Variants in FCSK observed in about 807,000 individuals in gnomAD.
FCSK encodes the protein fucose kinase, also known as L-fucose kinase.
In FCSK, 123 loss-of-function variants were observed where a neutral mutation model predicts 122.5. The ratio of observed to expected loss-of-function variants is 1.00; its 90% confidence interval spans 0.87 to 1.17. The LOEUF (loss-of-function observed/expected upper bound fraction) is 1.17. Among genes scored for constraint, FCSK ranks in the 50% most tolerant of loss-of-function variants. The pLI is 0.00. For missense variants in FCSK, 1,366 were observed against 1,450.4 expected (o/e 0.94, Z 0.95); for synonymous variants, 620 against 625.5 (o/e 0.99, Z 0.13).
intron 5 of FCSK, 28 bp from the exon 6 acceptor site, chr16:70,466,854 G>T: frequency 6.2e-7 from 1 of 1,606,282 alleles, no homozygotes. Context: ...CCAGGCACCA[G>T]CTGTGTTCTG....
intron 1 of FCSK, among the ~76,000 whole-genome samples, 151 bp from the exon 2 acceptor site, chr16:70,463,018 G>C (rs554381966): frequency 2.6e-5 from 4 of 152,256 alleles, no homozygotes; most frequent in African/African-American, 4.8e-5. Context: ...GCGGGGAGGA[G>C]AGGTTGCATG....
rs1312166815 is a variant in FCSK, at chr16:70,478,470, G to A, written c.2829+11G>A. The A allele has an allele frequency of 6.2e-7, 1 of 1,613,790 alleles. No individual in the cohort carries two copies. The highest frequency in any genetic ancestry group is 1.1e-5 in the South Asian group (1 of 91,082). On this transcript the variant is annotated intron_variant, in intron 21 of 23. Coordinates refer to ENST00000288078, the MANE Select transcript of FCSK (RefSeq NM_145059.3). The stretch of plus-strand genomic sequence containing the variant: ...CGGAACCTGCTGCAGGTGAGCTCTG[G>A]CCCCAGCATGAGGGAGGCAGGCAGG...
intron 13 of FCSK, among the ~76,000 whole-genome samples, chr16:70,471,832 GACTC>G (rs2048632653): frequency 7.3e-6 from 1 of 136,534 alleles, no homozygotes; most frequent in African/African-American, 3.1e-5. Context: ...TTTTTTTTGA[GACTC>G]ACTCTGTCTC....
At position 70,479,421 on chromosome 16, in the gene FCSK, G is replaced by A. The variant is rs775288732; in HGVS notation, c.3153+18G>A. The A allele has an allele frequency of 1.9e-6, 3 of 1,604,282 alleles. No homozygotes were observed. Among genetic ancestry groups the A allele is most frequent in the South Asian group, 1.1e-5 (1 of 90,378 alleles). ...AGACCGAGGTACTGATGGGGCTGGGGTTGGTAAAGAGACCTCTGGGGGCAA... is the reference window on the plus strand; with the variant it reads ...AGACCGAGGTACTGATGGGGCTGGGATTGGTAAAGAGACCTCTGGGGGCAA... On this transcript the variant is annotated intron_variant, in intron 23 of 23. Coordinates refer to ENST00000288078, the MANE Select transcript of FCSK (RefSeq NM_145059.3).
chr16:70,470,291 G>T, intron 10 of FCSK, 23 bp from the exon 11 acceptor site: 1 of 1,556,754 alleles, frequency 6.4e-7, no homozygotes, highest in Non-Finnish European at 8.8e-7. Context: ...ATGGGGTTGG[G>T]TTCAGTACTT....
rs754711319 is a variant in FCSK at position 70,479,287 on chromosome 16, GC to G, written c.3043del (p.His1015ThrfsTer19). On this transcript the variant is annotated frameshift_variant, in exon 23 of 24. Transcript: ENST00000288078. LOFTEE classifies it high-confidence loss of function. ...TGTGCGGCGTATGATGGATGTCCTG[GC>G]CCCCCACGTGCATGGCCAGAGCCTG... ...LTVRRMMDVL[A>X]PHVHGQSLAG... 6 of 1,613,976 alleles carry G rather than the reference GC, an allele frequency of 3.7e-6. No individual in the cohort carries two copies. In the East Asian group the frequency reaches 1.1e-4, roughly 30 times the overall value.
intron 3 of FCSK, 22 bp downstream of exon 3, chr16:70,463,796 C>T (rs766462388): frequency 1.1e-4 from 180 of 1,588,726 alleles, no homozygotes; most frequent in East Asian, 2.5e-4. Context: ...CCAGGGCCAC[C>T]TCCCTGGTCT....
At position 70,465,174 on chromosome 16, in the gene FCSK, A is replaced by G. The variant is rs745326523; in HGVS notation, c.283A>G (p.Met95Val). The part of the protein sequence containing the change: ...LHSAWILILH[M>V]GRDFPFDDCG... ...CTCGGCCTGGATCCTCATTCTGCAC[A>G]TGGTAAATGAACTTTGGGGCAGGGG... Residue 95 changes from methionine (M) to valine (V), a missense_variant and splice_region_variant, in exon 4 of 24, where the codon ATG becomes GTG. Physicochemically the swap from Met to Val is conservative, Grantham distance 21. Transcript: ENST00000288078. 3.1e-6 allele frequency: 5 copies of G among 1,610,900 alleles called. No individual in the cohort carries two copies. The highest frequency in any genetic ancestry group is 1.1e-5 in the South Asian group (1 of 90,818).
chr16:70,467,009 C>A, intron 6 of FCSK, 55 bp downstream of exon 6: 1 of 1,516,592 alleles, frequency 6.6e-7, no homozygotes, highest in Non-Finnish European at 9.1e-7. Flanking sequence ...CAGCAAGAAG[C>A]CAGCTCTGCC....
chr16:70,475,982 T>C, intron 20 of FCSK: 1 of 477,458 alleles, frequency 2.1e-6, no homozygotes, highest in Non-Finnish European at 3.6e-6. Flanking sequence ...AAGCATCTAC[T>C]GAGTGCCAGA....
chr16:70,467,865 T>A (rs755823523), intron 7 of FCSK, 21 bp from the exon 8 acceptor site: 1 of 1,608,106 alleles, frequency 6.2e-7, no homozygotes, highest in Non-Finnish European at 8.5e-7. Flanking sequence ...CTCCGCTGAT[T>A]CTGTTTCTCC....
chr16:70,466,906 G>A lies in FCSK; in HGVS notation c.436G>A (p.Val146Met), dbSNP rs17881323. Residue 146 changes from valine to methionine, a missense_variant, in exon 6 of 24, where the codon GTG becomes ATG. Coordinates refer to ENST00000288078, the MANE Select transcript of FCSK (RefSeq NM_145059.3). ...GCTGGGCCCGGGCTCCCCGCCAGGCGTGTGGGTCTGCAGCACCGACATGCT... is the reference window on the plus strand; with the variant it reads ...GCTGGGCCCGGGCTCCCCGCCAGGCATGTGGGTCTGCAGCACCGACATGCT... ...YRLGPGSPPG[V>M]WVCSTDMLLS... 5,311 of 1,613,902 alleles carry A rather than the reference G, an allele frequency of 3.3e-3. 17 individuals are homozygous for A. The highest frequency in any genetic ancestry group is 4.2e-3 in the Non-Finnish European group (5,004 of 1,180,008).
intron 1 of FCSK, among the ~76,000 whole-genome samples, chr16:70,456,952 G>A (rs888358280): frequency 5.9e-5 from 9 of 151,936 alleles, no homozygotes; most frequent in Admixed American, 2.0e-4. Flanking sequence ...CCTGGGAGGC[G>A]GAGGTTGCAG....
Position 70,478,566 on chromosome 16 carries a change from T to A in FCSK, c.2845T>A (p.Trp949Arg). The A allele has an allele frequency of 6.2e-7, 1 of 1,613,822 alleles. No homozygotes were observed. Among genetic ancestry groups the A allele is most frequent in the South Asian group, 1.1e-5 (1 of 91,082 alleles). The change falls in exon 22 of 24, where the codon TGG (tryptophan) becomes AGG (arginine). Residue 949 changes from tryptophan (W) to arginine (R), a missense_variant. Coordinates refer to ENST00000288078, the MANE Select transcript of FCSK (RefSeq NM_145059.3). Reference protein sequence around the residue: ...RNLLQDVLRSWYARLPAVVQN... With the variant: ...RNLLQDVLRSRYARLPAVVQN... ...CCGTCCGCAGGATGTGCTGAGGAGC[T>A]GGTATGCCCGACTTCCTGCTGTGGT...
At position 70,479,642 on chromosome 16, in the gene FCSK, C is replaced by T. The variant is rs763254785; in HGVS notation, c.3217C>T (p.Leu1073=). 1.2e-6 allele frequency: 2 copies of T among 1,614,128 alleles called. No homozygotes were observed. The highest frequency in any genetic ancestry group is 1.7e-6 in the Non-Finnish European group (2 of 1,179,986). The change falls in exon 24 of 24, where the codon CTG becomes TTG. Residue 1073 remains leucine, a synonymous_variant. Transcript: ENST00000288078. ...VDTQGLSLKL[L]GTEASTCCPF... ...CACTCAGGGCCTGAGCCTGAAGCTG[C>T]TGGGGACCGAGGCCTCAACCTGTTG...
At chr16:70,456,067 G>A (rs1264108797) in intron 1 of FCSK, among the ~76,000 whole-genome samples, 1 of 152,136 alleles carries the variant, frequency 6.6e-6, no homozygotes, top group Non-Finnish European at 1.5e-5. Flanking sequence ...AGCTACTTGG[G>A]AGGCTGGGAT....
intron 18 of FCSK, 129 bp from the exon 19 acceptor site, chr16:70,475,221 G>A: frequency 8.6e-7 from 1 of 1,157,100 alleles, no homozygotes; most frequent in Admixed American, 2.2e-5. Context: ...TTGGGGATGG[G>A]GCCAGTACTG....
Position 70,473,089 on chromosome 16 carries a change from C to T in FCSK, c.1513C>T (p.Leu505=), listed in dbSNP as rs2151723212. The change falls in exon 15 of 24, where the codon CTG becomes TTG. Residue 505 remains leucine, a synonymous_variant. Coordinates refer to ENST00000288078, the MANE Select transcript of FCSK (RefSeq NM_145059.3). This position sits in a 1 kb window ranked among gnomAD's most constrained non-coding sequence, Gnocchi z 4.9. ...CTCGAGGGAGCTGGGACCCCAGGAC[C>T]TGCTGTGGATGCTGGACCACCAGGA... ...HPSRELGPQD[L]LWMLDHQEDG... is the part of the protein sequence containing the mutation. 1 of 1,589,558 alleles carries T rather than the reference C, an allele frequency of 6.3e-7. No homozygotes were observed. Among genetic ancestry groups the T allele is most frequent in the East Asian group, 2.3e-5 (1 of 43,608 alleles).
At chr16:70,466,846 A>G (rs1567698914) in intron 5 of FCSK, 36 bp from the exon 6 acceptor site, 2 of 1,594,448 alleles carry the variant, frequency 1.3e-6, no homozygotes, top group East Asian at 2.2e-5. Context: ...GGCCTGGGCC[A>G]GGCACCAGCT....
Sources: gnomAD v4.1 joint callset for allele counts (sites outside exome capture counted in the v4.1 genomes callset) on GRCh38, gnomAD v4.1.1 for gene constraint, Gnocchi (gnomAD v3.1) non-coding constraint, MANE v1.5 for transcripts, NCBI Gene and HGNC (gene_info 2026-07-23, HGNC 2026-07-21) for gene names.